The following TNKS1BP1 variants were observed in gnomAD, a reference collection of about 807,000 sequenced individuals.
TNKS1BP1 encodes 182 kDa tankyrase-1-binding protein.
TNKS1BP1 carries 48 observed loss-of-function variants against 141.1 expected under a neutral mutation model. The ratio of observed to expected loss-of-function variants is 0.34; its 90% CI spans 0.27 to 0.43. The LOEUF (loss-of-function observed/expected upper bound fraction) is 0.43. Among genes scored for constraint, TNKS1BP1 ranks in the 20% least tolerant of loss-of-function variants. TNKS1BP1 has a pLI of 1.00. For missense variants in TNKS1BP1, 2,149 were observed against 2,226.0 expected (o/e 0.97, Z 0.70); for synonymous variants, 875 against 898.2 (o/e 0.97, Z 0.46).
chr11:57,306,953 C>T (rs1855623287), intron 6 of TNKS1BP1, among the ~76,000 whole-genome samples: 1 of 151,328 alleles, frequency 6.6e-6, no homozygotes, highest in Non-Finnish European at 1.5e-5. Flanking sequence ...AGTGGCCACA[C>T]CTGAAAGCAG....
In TNKS1BP1 at chr11:57,302,542, C is replaced by T. The variant is rs150471628; in HGVS notation, c.4600G>A (p.Asp1534Asn). The change falls in exon 7 of 12, where the codon GAT (aspartate) becomes AAT (asparagine). Residue 1534 changes from aspartate to asparagine, a missense_variant. By Grantham distance (23) the Asp-to-Asn change is conservative. Transcript: ENST00000358252. This position sits in a 1 kb window ranked among gnomAD's most constrained non-coding sequence, Gnocchi z 5.5. ...CGAGAAGTCTGTGCTGGCCCCTGAT[C>T]GCTCCACCTGGCTGCTGAAGAGCCC... ...TWGSSAARWS[D>N]QGPAQTSRRP... 7.4e-6 allele frequency: 12 copies of T among 1,613,054 alleles called. No homozygotes were observed. Among genetic ancestry groups the T allele is most frequent in the African/African-American group, 2.7e-5 (2 of 74,904 alleles).
intron 6 of TNKS1BP1, among the ~76,000 whole-genome samples, chr11:57,306,331 C>A (rs1202880329): frequency 6.6e-6 from 1 of 151,468 alleles, no homozygotes; most frequent in Non-Finnish European, 1.5e-5. Flanking sequence ...TTCCCTACAT[C>A]AGAATTTCCC....
Position 57,309,672 on chromosome 11 carries a change from G to C in TNKS1BP1, c.3039C>G (p.Ser1013Arg). The change falls in exon 6 of 12, where the codon AGC becomes AGG. Residue 1013 changes from serine to arginine, a missense_variant. By Grantham distance (110) the Ser-to-Arg change is moderately radical. Transcript: ENST00000358252. The surrounding 1 kb of genome is among the most constrained non-coding windows in gnomAD (Gnocchi z 4.3). ...PSVEDSLGEG[S>R]RDAGRPGERG... The stretch of plus-strand genomic sequence containing the variant: ...TCTCTCCTGGCCGGCCAGCATCCCT[G>C]CTGCCCTCTCCAAGGCTGTCTTCCA... 1 of 1,614,164 alleles carries C rather than the reference G, an allele frequency of 6.2e-7. No individual in the cohort carries two copies. The highest frequency in any genetic ancestry group is 8.5e-7 in the Non-Finnish European group (1 of 1,180,030).
In TNKS1BP1 at chr11:57,309,029, T is replaced by A. The variant is rs1438472854; in HGVS notation, c.3682A>T (p.Thr1228Ser). ...TTGCTCTTCACATTAACATCAGAAGTCCAGTCCTTCTCCCCAACTCCGATT... is the reference window on the plus strand; with the variant it reads ...TTGCTCTTCACATTAACATCAGAAGACCAGTCCTTCTCCCCAACTCCGATT... ...GGIGVGEKDWTSDVNVKSKDL... is the reference protein window; with the variant it reads ...GGIGVGEKDWSSDVNVKSKDL... Residue 1228 changes from threonine (T) to serine (S), a missense_variant, in exon 6 of 12, where the codon ACT becomes TCT. By Grantham distance (58) the Thr-to-Ser change is moderately conservative (BLOSUM62 1). Coordinates refer to ENST00000358252, the MANE Select transcript of TNKS1BP1 (RefSeq NM_033396.3). The surrounding 1 kb of genome is among the most constrained non-coding windows in gnomAD (Gnocchi z 4.3). The A allele has an allele frequency of 6.2e-7, 1 of 1,614,066 alleles. No homozygotes were observed. Among genetic ancestry groups the A allele is most frequent in the South Asian group, 1.1e-5 (1 of 91,078 alleles).
rs759578751 is a variant in TNKS1BP1, at chr11:57,320,517, A to G, written c.290T>C (p.Leu97Pro). 28 of 1,613,120 alleles carry G rather than the reference A, an allele frequency of 1.7e-5. No individual in the cohort carries two copies. Among genetic ancestry groups the G allele is most frequent in the Middle Eastern group, 3.3e-4 (2 of 6,080 alleles). The change falls in exon 3 of 12, where the codon CTT becomes CCT. Residue 97 changes from leucine to proline, a missense_variant. Coordinates refer to ENST00000358252, the MANE Select transcript of TNKS1BP1 (RefSeq NM_033396.3). ...PQPYGGSKRP[L>P]PFAPRPAVEA... is the part of the protein sequence containing the mutation. ...AACCGCAGGCCTTGGTGCAAAGGGA[A>G]GGGGGCGCTTGCTGCCACCATAGGG...
rs1161724904 is a variant in TNKS1BP1, at chr11:57,309,855, A to C, written c.2856T>G (p.Phe952Leu). The C allele has an allele frequency of 1.2e-6, 2 of 1,614,086 alleles. No homozygotes were observed. Among genetic ancestry groups the C allele is most frequent in the Admixed American group, 1.7e-5 (1 of 60,022 alleles). ...AGTCCCTTATCCAAGCGCTCTTCCC[A>C]AACTCCTGTTCCTGTGGCTCCGCAG... The part of the protein sequence containing the change: ...SRAAEPQEQE[F>L]GKSAWIRDYS... The change falls in exon 6 of 12, where the codon TTT (phenylalanine) becomes TTG (leucine). Residue 952 changes from phenylalanine (F) to leucine (L), a missense_variant. Transcript: ENST00000358252. This position sits in a 1 kb window ranked among gnomAD's most constrained non-coding sequence, Gnocchi z 4.3.
chr11:57,320,703 C>T lies in TNKS1BP1; in HGVS notation c.104G>A (p.Arg35Gln), dbSNP rs373685454. 11 of 1,578,412 alleles carry T rather than the reference C, an allele frequency of 7.0e-6. No individual in the cohort carries two copies. Among genetic ancestry groups the T allele is most frequent in the African/African-American group, 6.8e-5 (5 of 73,904 alleles). The change falls in exon 3 of 12, where the codon CGG (arginine) becomes CAG (glutamine). Residue 35 changes from arginine (R) to glutamine (Q), a missense_variant. Coordinates refer to ENST00000358252, the MANE Select transcript of TNKS1BP1 (RefSeq NM_033396.3). ...VPTGSEPGDTRAKPPVKPKPR... is the reference protein window; with the variant it reads ...VPTGSEPGDTQAKPPVKPKPR... ...TTTGGGCTTGACAGGGGGTTTGGCCCGAGTGTCACCTACCAAAAGGAAAGG... is the reference window on the plus strand; with the variant it reads ...TTTGGGCTTGACAGGGGGTTTGGCCTGAGTGTCACCTACCAAAAGGAAAGG...
intron 6 of TNKS1BP1, among the ~76,000 whole-genome samples, chr11:57,306,394 G>T (rs1193931837): frequency 6.6e-6 from 1 of 152,048 alleles, no homozygotes; most frequent in Non-Finnish European, 1.5e-5. Context: ...GGAAAATACT[G>T]CATTACTTGT....
intron 6 of TNKS1BP1, among the ~76,000 whole-genome samples, chr11:57,305,130 G>T (rs754358046): frequency 6.6e-6 from 1 of 152,170 alleles, no homozygotes; most frequent in Non-Finnish European, 1.5e-5. Context: ...GAGCAGGAAA[G>T]AGGGGTAGTT....
chr11:57,302,796 G>T lies in TNKS1BP1; in HGVS notation c.4346C>A (p.Pro1449His), dbSNP rs1395275635. Residue 1449 changes from proline (P) to histidine (H), a missense_variant, in exon 7 of 12, where the codon CCC becomes CAC. Pro to His is a moderately conservative substitution (Grantham distance 77). Transcript: ENST00000358252. The surrounding 1 kb of genome is among the most constrained non-coding windows in gnomAD (Gnocchi z 5.5). ...SPGRCPARPP[P>H]SGSQGLLEEM... is the part of the protein sequence containing the mutation. The stretch of plus-strand genomic sequence containing the variant: ...CTCCAGCAGGCCCTGGGAGCCGGAG[G>T]GTGGGGGGCGGGCCGGGCACCTGCC... 1 of 1,546,092 alleles carries T rather than the reference G, an allele frequency of 6.5e-7. No homozygotes were observed. The highest frequency in any genetic ancestry group is 1.9e-5 in the Admixed American group (1 of 53,620).
At chr11:57,301,711 G>A (rs1855526697) in intron 9 of TNKS1BP1, 96 bp downstream of exon 9, 8 of 1,494,232 alleles carry the variant, frequency 5.4e-6, no homozygotes, top group Non-Finnish European at 7.3e-6. Flanking sequence ...GAGGGGGACA[G>A]GGGAATGAAT....
chr11:57,320,842 T>C (rs1855874764), intron 2 of TNKS1BP1, 130 bp from the exon 3 acceptor site: 3 of 1,081,524 alleles, frequency 2.8e-6, no homozygotes, highest in East Asian at 5.5e-5. Context: ...GCACAAGTCA[T>C]ATGCCACCTC....
chr11:57,319,017 C>T (rs546984160), intron 3 of TNKS1BP1, among the ~76,000 whole-genome samples: 158 of 152,104 alleles, frequency 1.0e-3, no homozygotes, highest in Non-Finnish European at 1.9e-3. Context: ...TGGTGGCAGG[C>T]GCCTGTAGTC....
At position 57,301,002 on chromosome 11, in the gene TNKS1BP1, C is replaced by A; in HGVS notation, c.5011G>T (p.Glu1671Ter). The change falls in exon 10 of 12, where the codon GAG becomes TAG. Residue 1671 changes from glutamate (E) to a stop codon, truncating the protein, a stop_gained. Coordinates refer to ENST00000358252, the MANE Select transcript of TNKS1BP1 (RefSeq NM_033396.3). LOFTEE classifies it high-confidence loss of function. ...TGGCTCGACTTGCTCTCAGCCAGCT[C>A]TCCCTCCTCAGCTGAGCGATTCCGG... is the stretch of plus-strand genomic sequence containing the variant. ...RPRNRSAEEG[E>*]LAESKSSQKE... 6.2e-7 allele frequency: 1 copy of A among 1,614,028 alleles called. No homozygotes were observed. Among genetic ancestry groups the A allele is most frequent in the Non-Finnish European group, 8.5e-7 (1 of 1,179,974 alleles).
intron 6 of TNKS1BP1, among the ~76,000 whole-genome samples, chr11:57,304,365 G>C: frequency 6.6e-6 from 1 of 152,238 alleles, no homozygotes; most frequent in Admixed American, 6.5e-5. Flanking sequence ...CATTGGGGGA[G>C]GAGGCAGTGG....
At chr11:57,319,680 T>G (rs1011220139) in intron 3 of TNKS1BP1, among the ~76,000 whole-genome samples, 1 of 146,768 alleles carries the variant, frequency 6.8e-6, no homozygotes, top group Non-Finnish European at 1.5e-5. Flanking sequence ...GGAAGGAGAA[T>G]CACTTGAACC....
rs762543202 is a variant in TNKS1BP1 at position 57,320,284 on chromosome 11, C to T, written c.523G>A (p.Val175Ile). The T allele has an allele frequency of 6.2e-7, 1 of 1,614,048 alleles. No homozygotes were observed. The highest frequency in any genetic ancestry group is 2.2e-5 in the East Asian group (1 of 44,886). ...LAKMEQPRKE[V>I]LASPDRLWGS... ...CACAGGCGGTCGGGGCTGGCAAGGA[C>T]CTCCTTCCGAGGCTGCTCCATCTTG... The change falls in exon 3 of 12, where the codon GTC becomes ATC. Residue 175 changes from valine (V) to isoleucine (I), a missense_variant. Physicochemically the swap from Val to Ile is conservative, Grantham distance 29 (BLOSUM62 3). Coordinates refer to ENST00000358252, the MANE Select transcript of TNKS1BP1 (RefSeq NM_033396.3).
rs1565037476 is a variant in TNKS1BP1 at position 57,302,548 on chromosome 11, A to T, written c.4594T>A (p.Trp1532Arg). 1 of 1,613,022 alleles carries T rather than the reference A, an allele frequency of 6.2e-7. No homozygotes were observed. Among genetic ancestry groups the T allele is most frequent in the Non-Finnish European group, 8.5e-7 (1 of 1,179,832 alleles). The stretch of plus-strand genomic sequence containing the variant: ...GTCTGTGCTGGCCCCTGATCGCTCC[A>T]CCTGGCTGCTGAAGAGCCCCAGGTG... The part of the protein sequence containing the change: ...DGTWGSSAAR[W>R]SDQGPAQTSR... The change falls in exon 7 of 12, where the codon TGG becomes AGG. Residue 1532 changes from tryptophan to arginine, a missense_variant. Physicochemically the swap from Trp to Arg is moderately radical, Grantham distance 101 (BLOSUM62 -3). Coordinates refer to ENST00000358252, the MANE Select transcript of TNKS1BP1 (RefSeq NM_033396.3). This position sits in a 1 kb window ranked among gnomAD's most constrained non-coding sequence, Gnocchi z 5.5.
chr11:57,300,967 G>C lies in TNKS1BP1; in HGVS notation c.5046C>G (p.Ser1682=). 6.2e-7 allele frequency: 1 copy of C among 1,614,048 alleles called. No homozygotes were observed. Among genetic ancestry groups the C allele is most frequent in the South Asian group, 1.1e-5 (1 of 91,056 alleles). The change falls in exon 10 of 12, where the codon TCC becomes TCG. Residue 1682 remains serine (S), a synonymous_variant. Transcript: ENST00000358252. ...TGCAGGATTTCGAACGCTGGACCGC[G>C]GACTCCTTCTGGCTCGACTTGCTCT... is the stretch of plus-strand genomic sequence containing the variant. The part of the protein sequence containing the change: ...LAESKSSQKE[S]AVQRSKSCKV...
Sources: gnomAD v4.1 joint callset for allele counts (sites outside exome capture counted in the v4.1 genomes callset) on GRCh38, gnomAD v4.1.1 for gene constraint, Gnocchi (gnomAD v3.1) non-coding constraint, MANE v1.5 for transcripts, NCBI Gene and HGNC (gene_info 2026-07-23, HGNC 2026-07-21) for gene names.